Variants in VPS53 observed in about 807,000 individuals in gnomAD.
VPS53 encodes the protein VPS53 subunit of GARP complex, also known as vacuolar protein sorting-associated protein 53 homolog.
In VPS53, 70 loss-of-function variants were observed where a neutral mutation model predicts 107.0. The ratio of observed to expected loss-of-function variants is 0.65; its 90% confidence interval spans 0.54 to 0.80. VPS53 has a LOEUF of 0.80. Among genes scored for constraint, VPS53 ranks in the 30% least tolerant of loss-of-function variants. The pLI is 0.00. For missense variants in VPS53, 917 were observed against 1,049.4 expected, an observed-to-expected ratio of 0.87 and a Z score of 1.74; for synonymous variants, 409 against 393.3, an observed-to-expected ratio of 1.04 and a Z score of -0.47.
intron 5 of VPS53, chr17:656,952 C>CT: frequency 3.7e-6 from 4 of 1,066,830 alleles, no homozygotes; most frequent in Non-Finnish European, 5.8e-6. Flanking sequence ...CCACTGGTGT[C>CT]TTTCACATGA....
chr17:707,159 T>A (rs1973438441), intron 2 of VPS53, among the ~76,000 whole-genome samples: 2 of 152,144 alleles, frequency 1.3e-5, no homozygotes, highest in Admixed American at 6.6e-5. Context: ...AAGCCTAACA[T>A]TTAAAATTGG....
intron 4 of VPS53, among the ~76,000 whole-genome samples, chr17:663,605 C>T (rs1597457847): frequency 1.3e-5 from 2 of 152,322 alleles, no homozygotes; most frequent in Admixed American, 1.3e-4. Flanking sequence ...AGACTACCTA[C>T]AGCTAAAGTG....
intron 13 of VPS53, among the ~76,000 whole-genome samples, chr17:565,699 C>T (rs554621466): frequency 1.3e-5 from 2 of 151,904 alleles, no homozygotes; most frequent in East Asian, 3.9e-4. Context: ...GGCCTACTCC[C>T]GGTCAGTGGG....
rs1024588318 is a variant in VPS53, at chr17:515,385, C to G, written c.*3743G>C. The G allele has an allele frequency of 2.6e-5, 4 of 152,220 alleles. No individual in the cohort carries two copies. The highest frequency in any genetic ancestry group is 6.5e-5 in the Admixed American group (1 of 15,282). The allele number at this position is 152,220 out of a possible 1,614,324, so 9.4% of individuals were successfully genotyped here. A position where few individuals can be genotyped will look rare whatever the true frequency, so the allele number is the denominator to read the frequency against. ...TAGCTGGGATTACAGGCGCCCACCACCACGCCTGGCTAATTTTGTATTTTT... is the reference window on the plus strand; with the variant it reads ...TAGCTGGGATTACAGGCGCCCACCAGCACGCCTGGCTAATTTTGTATTTTT... On this transcript the variant is annotated 3_prime_UTR_variant, in exon 22 of 22. Transcript: ENST00000437048.
intron 8 of VPS53, among the ~76,000 whole-genome samples, chr17:630,598 A>G (rs1030937269): frequency 2.0e-5 from 3 of 152,206 alleles, no homozygotes; most frequent in Admixed American, 2.0e-4. Context: ...TAAAATCAGG[A>G]GCGGGCTTCC....
At chr17:657,478 TC>T in intron 5 of VPS53, 1 of 1,453,834 alleles carries the variant, frequency 6.9e-7, no homozygotes. Flanking sequence ...AACACACCGG[TC>T]AATTTATCCA....
chr17:634,320 C>G (rs1049874715), intron 7 of VPS53, among the ~76,000 whole-genome samples: 1 of 152,174 alleles, frequency 6.6e-6, no homozygotes, highest in Non-Finnish European at 1.5e-5. Context: ...GGAAAAATTA[C>G]CAGTCTCTGA....
rs1908663068 is a variant in VPS53, at chr17:520,625, A to G, written c.2224-695T>C. On this transcript the variant is annotated intron_variant, in intron 20 of 21. Coordinates refer to ENST00000437048, the MANE Select transcript of VPS53 (RefSeq NM_001128159.3). This position sits in a 1 kb window ranked among gnomAD's most constrained non-coding sequence, Gnocchi z 4.4. ...GTATCTGATTTTCTTTCCCCAGCCG[A>G]CTGATTTGTTTTGAATTCCTGAGAC... Among the ~76,000 whole-genome samples the G allele has an allele frequency of 6.6e-6, 1 of 152,080 alleles. No individual in the cohort carries two copies. The highest frequency in any genetic ancestry group is 1.5e-5 in the Non-Finnish European group (1 of 68,008).
chr17:579,803 C>T (rs1440629711), intron 13 of VPS53, among the ~76,000 whole-genome samples: 1 of 150,430 alleles, frequency 6.6e-6, no homozygotes, highest in Non-Finnish European at 1.5e-5. Context: ...GAGAACCACC[C>T]TCAGGACCTA....
intron 7 of VPS53, among the ~76,000 whole-genome samples, chr17:646,852 ATAT>A (rs1283740896): frequency 1.1e-4 from 9 of 84,738 alleles, no homozygotes; most frequent in Non-Finnish European, 1.2e-4. Context: ...TTTCTAATCC[ATAT>A]CACGGACTGG....
At chr17:654,023 G>A (rs778549811) in intron 6 of VPS53, among the ~76,000 whole-genome samples, 4 of 152,114 alleles carry the variant, frequency 2.6e-5, no homozygotes, top group East Asian at 3.9e-4. Flanking sequence ...GTGAAACACC[G>A]TCTCTACTAA....
rs1908308482 is a variant in VPS53, at chr17:516,351, C to T, written c.*2777G>A. The stretch of plus-strand genomic sequence containing the variant: ...CAGGCCCCATCCAAACTTACTGACT[C>T]AAAATCTCCGGGCATCTGTTTTTTT... On this transcript the variant is annotated 3_prime_UTR_variant, in exon 22 of 22. Coordinates refer to ENST00000437048, the MANE Select transcript of VPS53 (RefSeq NM_001128159.3). 1 of 152,052 alleles carries T rather than the reference C, an allele frequency of 6.6e-6. No individual in the cohort carries two copies. The highest frequency in any genetic ancestry group is 2.1e-4 in the South Asian group (1 of 4,828). The allele number at this position is 152,052 out of a possible 1,614,324, so 9.4% of individuals were successfully genotyped here.
chr17:543,233 T>G (rs1162357083), intron 17 of VPS53, among the ~76,000 whole-genome samples: 1 of 152,178 alleles, frequency 6.6e-6, no homozygotes, highest in Non-Finnish European at 1.5e-5. Context: ...TGGCTTTCCA[T>G]GGTCCTTCTG....
chr17:591,064 T>C (rs1482029144), intron 12 of VPS53, among the ~76,000 whole-genome samples: 3 of 152,198 alleles, frequency 2.0e-5, no homozygotes, highest in Admixed American at 2.0e-4. Flanking sequence ...GCTCCTGTTA[T>C]TGGTCTATTC....
chr17:636,067 T>C (rs1970186675), intron 7 of VPS53, among the ~76,000 whole-genome samples: 1 of 152,240 alleles, frequency 6.6e-6, no homozygotes, highest in African/African-American at 2.4e-5. Flanking sequence ...TACTCTTTTA[T>C]TTCATTGAGC....
At chr17:585,127 A>G (rs1967244033) in intron 13 of VPS53, among the ~76,000 whole-genome samples, 1 of 152,236 alleles carries the variant, frequency 6.6e-6, no homozygotes, top group Non-Finnish European at 1.5e-5. Context: ...CAGGAGAAAA[A>G]TAGTAACTTC....
chr17:624,594 G>A (rs1969609858), intron 10 of VPS53, among the ~76,000 whole-genome samples: 1 of 152,208 alleles, frequency 6.6e-6, no homozygotes, highest in Non-Finnish European at 1.5e-5. Context: ...TAGGATTTTA[G>A]CCAAAATTCT....
At chr17:672,049 G>C (rs990382955) in intron 4 of VPS53, among the ~76,000 whole-genome samples, 43 of 150,916 alleles carry the variant, frequency 2.8e-4, no homozygotes, top group African/African-American at 1.0e-3. Context: ...CTGAGTTAGA[G>C]AGCAGCTAGG....
intron 5 of VPS53, among the ~76,000 whole-genome samples, chr17:658,100 G>A (rs539819666): frequency 9.6e-6 from 1 of 104,466 alleles, no homozygotes; most frequent in Middle Eastern, 5.0e-3. Flanking sequence ...ATACTCGGCC[G>A]TGAGTTCGTG....
Sources: gnomAD v4.1 joint callset for allele counts (sites outside exome capture counted in the v4.1 genomes callset) on GRCh38, gnomAD v4.1.1 for gene constraint, Gnocchi (gnomAD v3.1) non-coding constraint, MANE v1.5 for transcripts, NCBI Gene and HGNC (gene_info 2026-07-23, HGNC 2026-07-21) for gene names.